LRBA: variants seen among roughly 807,000 people sequenced by gnomAD.
The protein encoded by LRBA is LPS responsive beige-like anchor protein.
Under a neutral mutation model 330.0 loss-of-function variants are expected in LRBA, and 176 were observed. That is an observed-to-expected ratio of 0.53 (90% confidence interval 0.47 to 0.60). LRBA has a LOEUF of 0.60. Ranked by LOEUF, LRBA falls within the 20% of genes least tolerant of loss-of-function variation. The probability of loss-of-function intolerance (pLI) is 0.00; values close to 1 mark genes in which losing one functional copy is unlikely to be tolerated. For missense variants in LRBA, 3,259 were observed against 3,444.8 expected, an observed-to-expected ratio of 0.95 and a Z score of 1.35; for synonymous variants, 1,230 against 1,193.0, an observed-to-expected ratio of 1.03 and a Z score of -0.64.
intron 42 of LRBA, among the ~76,000 whole-genome samples, chr4:150,484,805 G>A (rs1315015335): frequency 6.6e-6 from 1 of 151,466 alleles, no homozygotes; most frequent in Non-Finnish European, 1.5e-5. Flanking sequence ...TCTACATTAG[G>A]CACTTCTTTA....
At chr4:150,454,973 TTTTTTA>T (rs1162988631) in intron 44 of LRBA, among the ~76,000 whole-genome samples, 43 of 124,772 alleles carry the variant, frequency 3.4e-4, no homozygotes, top group African/African-American at 1.0e-3. Context: ...TTTTATTTTA[TTTTTTA>T]TTTTTTTTAT....
chr4:150,434,271 T>TA (rs1010381682), intron 46 of LRBA, among the ~76,000 whole-genome samples: 15 of 151,266 alleles, frequency 9.9e-5, no homozygotes, highest in South Asian at 4.2e-4. Context: ...AGACACCATT[T>TA]AAAAAAAAAT....
At chr4:150,771,705 C>T (rs957967550) in intron 34 of LRBA, among the ~76,000 whole-genome samples, 2 of 152,274 alleles carry the variant, frequency 1.3e-5, no homozygotes, top group South Asian at 4.1e-4. Context: ...GTCTCCACTG[C>T]CAGCAGATTT....
At chr4:150,772,345 T>C (rs900027562) in intron 34 of LRBA, among the ~76,000 whole-genome samples, 4 of 152,118 alleles carry the variant, frequency 2.6e-5, no homozygotes, top group Non-Finnish European at 5.9e-5. Context: ...AGGTACGGGC[T>C]GGCAAAGAGA....
chr4:150,547,795 T>A (rs1216319959), intron 40 of LRBA, among the ~76,000 whole-genome samples: 3 of 152,096 alleles, frequency 2.0e-5, no homozygotes, highest in Admixed American at 1.3e-4. Context: ...ATTCATCAAC[T>A]CCAGGACACA....
chr4:150,584,185 A>C, intron 40 of LRBA: 1 of 1,418,014 alleles, frequency 7.1e-7, no homozygotes, highest in East Asian at 2.5e-5. Flanking sequence ...TAAACAGCAG[A>C]AACTCTGGAC....
At chr4:150,887,275 T>C (rs1729038621) in intron 17 of LRBA, among the ~76,000 whole-genome samples, 1 of 151,990 alleles carries the variant, frequency 6.6e-6, no homozygotes. Context: ...GTCCATAAAT[T>C]TGAAGATCAA....
intron 41 of LRBA, among the ~76,000 whole-genome samples, chr4:150,488,757 C>CAAAA (rs35641885): frequency 1.4e-5 from 2 of 144,630 alleles, no homozygotes. Flanking sequence ...TATTTAAAGC[C>CAAAA]AAAAAAAAAA....
At chr4:150,386,150 C>G (rs543943123) in intron 47 of LRBA, among the ~76,000 whole-genome samples, 2 of 152,098 alleles carry the variant, frequency 1.3e-5, no homozygotes, top group South Asian at 4.2e-4. Context: ...GTAAGATATT[C>G]TCAGTATTTG....
At chr4:150,963,289 G>C (rs534505532) in intron 2 of LRBA, among the ~76,000 whole-genome samples, 1 of 149,118 alleles carries the variant, frequency 6.7e-6, no homozygotes, top group Non-Finnish European at 1.5e-5. Context: ...CTCCCTGCCT[G>C]ATTCTCCTGC....
rs188806190 is a variant in LRBA at position 150,336,749 on chromosome 4, A to G, written c.7363-10851T>C. 2.3e-3 allele frequency among the ~76,000 whole-genome samples: 347 copies of G among 152,302 alleles called. 1 individual carries two copies. The highest frequency in any genetic ancestry group is 7.8e-3 in the African/African-American group (324 of 41,570). On this transcript the variant is annotated intron_variant, in intron 48 of 56. Coordinates refer to ENST00000651943, the MANE Select transcript of LRBA (RefSeq NM_001364905.1). ...TTCAGGCACATTAAACTGAGTCCCA[A>G]CCCAGCCTCACTACAATCTCCAGTT...
At position 150,785,026 on chromosome 4, in the gene LRBA, C is replaced by T. The variant is rs563446707; in HGVS notation, c.5580+13055G>A. Among the ~76,000 whole-genome samples the T allele has an allele frequency of 3.3e-5, 5 of 152,274 alleles. No individual in the cohort carries two copies. In the South Asian group the frequency reaches 8.3e-4, roughly 25 times the overall value. ...AGGGAAATTGCAATAGAGAAAAAAT[C>T]GTTCATGCAGAACCTGCTGTGCGTG... On this transcript the variant is annotated intron_variant, in intron 34 of 56. Transcript: ENST00000651943.
At position 150,335,430 on chromosome 4, in the gene LRBA, C is replaced by CAT. The variant is rs200927332; in HGVS notation, c.7363-9534_7363-9533dup. Among the ~76,000 whole-genome samples, 605 of 145,112 alleles carry CAT rather than the reference C, an allele frequency of 4.2e-3. 6 individuals are homozygous for CAT. The highest frequency in any genetic ancestry group is 0.013 in the African/African-American group (497 of 39,384). On this transcript the variant is annotated intron_variant, in intron 48 of 56. Coordinates refer to ENST00000651943, the MANE Select transcript of LRBA (RefSeq NM_001364905.1). ...GTATATATATATACACACATATATA[C>CAT]ATATATATATACACGTATATATGTG...
intron 22 of LRBA, among the ~76,000 whole-genome samples, chr4:150,866,358 C>T (rs1752687843): frequency 6.6e-6 from 1 of 152,128 alleles, no homozygotes; most frequent in African/African-American, 2.4e-5. Flanking sequence ...AACAACATAG[C>T]TAGCAAAGGA....
intron 40 of LRBA, among the ~76,000 whole-genome samples, chr4:150,523,033 T>C (rs1763089516): frequency 6.6e-6 from 1 of 152,214 alleles, no homozygotes; most frequent in Non-Finnish European, 1.5e-5. Flanking sequence ...GGTTCACAAC[T>C]GAAAGGCAAC....
In LRBA at chr4:150,799,550, T is replaced by A. The variant is rs1277243546; in HGVS notation, c.5519-1408A>T. On this transcript the variant is annotated intron_variant, in intron 33 of 56. Coordinates refer to ENST00000651943, the MANE Select transcript of LRBA (RefSeq NM_001364905.1). ...AAATTCAGATCTTTCTATTATTAGG[T>A]CATTAATCCTTATTGCTTTATTCGA... Among the ~76,000 whole-genome samples the A allele has an allele frequency of 2.6e-5, 4 of 152,362 alleles. No homozygotes were observed. The East Asian group carries it at 5.8e-4, about 22-fold the overall frequency.
At chr4:150,726,745 T>C (rs1477323152) in intron 36 of LRBA, among the ~76,000 whole-genome samples, 1 of 152,112 alleles carries the variant, frequency 6.6e-6, no homozygotes, top group Non-Finnish European at 1.5e-5. Context: ...ATCCAATCAC[T>C]TGCCTCCCTT....
intron 31 of LRBA, among the ~76,000 whole-genome samples, chr4:150,810,826 T>C (rs1743612108): frequency 6.6e-6 from 1 of 152,194 alleles, no homozygotes; most frequent in South Asian, 2.1e-4. Context: ...GGTCTCGAAC[T>C]CTTGGTCTCA....
At chr4:150,556,519 C>T (rs1049990144) in intron 40 of LRBA, among the ~76,000 whole-genome samples, 3 of 152,182 alleles carry the variant, frequency 2.0e-5, no homozygotes, top group African/African-American at 4.8e-5. Context: ...TACATAGTTA[C>T]ACAGAATGTG....
Sources: gnomAD v4.1 joint callset for allele counts (sites outside exome capture counted in the v4.1 genomes callset) on GRCh38, gnomAD v4.1.1 for gene constraint, MANE v1.5 for transcripts, NCBI Gene and HGNC (gene_info 2026-07-23, HGNC 2026-07-21) for gene names.